TRIM14: variants seen among roughly 807,000 people sequenced by gnomAD.
TRIM14 encodes the protein tripartite motif containing 14.
A neutral mutation model predicts 44.5 loss-of-function variants in TRIM14; 28 were observed. That is an observed-to-expected ratio of 0.63 (90% CI 0.47 to 0.86). TRIM14 has a LOEUF of 0.86. Among genes scored for constraint, TRIM14 ranks in the 40% least tolerant of loss-of-function variants. TRIM14 has a pLI of 0.00. For synonymous variants in TRIM14, 299 were observed against 269.2 expected (o/e 1.11, Z -1.08); for missense variants, 607 against 611.1 (o/e 0.99, Z 0.07).
At chr9:98,046,293 C>CT in the TRIM14 span, among the ~76,000 whole-genome samples, 1 of 152,120 alleles carries the variant, frequency 6.6e-6, no homozygotes, top group Admixed American at 6.5e-5. Context: ...GCAGCGAAGT[C>CT]TTACAGAAAT....
rs1427652099 is a variant in TRIM14 at position 98,094,724 on chromosome 9, C to T, written c.700+143G>A. On this transcript the variant is annotated intron_variant, in intron 4 of 5. Transcript: ENST00000341469. ...TGAAGTGGTGAGGGTGGGTTGGGCA[C>T]CAGGCCCAGGAGCCCCTGACCGCCC... 6 of 910,758 alleles carry T rather than the reference C, an allele frequency of 6.6e-6. No homozygotes were observed. The South Asian group carries it at 6.6e-5, about 10-fold the overall frequency. 56.4% of individuals were successfully genotyped at this position (910,758 alleles called of 1,614,324 possible). A position where few individuals can be genotyped will look rare whatever the true frequency, so the allele number is the denominator to read the frequency against.
intron 1 of TRIM14, among the ~76,000 whole-genome samples, chr9:98,110,648 G>T (rs112182860): frequency 6.6e-6 from 1 of 151,984 alleles, no homozygotes; most frequent in Non-Finnish European, 1.5e-5. Context: ...GGGCAGGCTC[G>T]CTTCGTTCTC....
chr9:98,037,494 A>C, the TRIM14 span, among the ~76,000 whole-genome samples: 16 of 152,264 alleles, frequency 1.1e-4, no homozygotes, highest in South Asian at 1.7e-3. Flanking sequence ...GCACTGAAGG[A>C]CCTGCAGACA....
chr9:98,073,519 G>A (rs369767931), intron 6 of TRIM14, among the ~76,000 whole-genome samples: 295 of 150,676 alleles, frequency 2.0e-3, no homozygotes, highest in African/African-American at 6.9e-3. Flanking sequence ...TCCTGACCTC[G>A]TGATCTGCCC....
chr9:98,087,630 C>T lies in TRIM14; in HGVS notation c.1169G>A (p.Arg390Gln). The part of the protein sequence containing the change: ...SRLRPRDDLD[R>Q]LGVFLDYEAG... ...CTCGTAGTCCAGGAAGACGCCGAGC[C>T]GGTCGAGGTCGTCGCGGGGCCGCAG... The change falls in exon 6 of 6, where the codon CGG (arginine) becomes CAG (glutamine). Residue 390 changes from arginine to glutamine, a missense_variant. Around this residue, in one of 3 missense-constraint regions of TRIM14, gnomAD observed 356 missense variants for 323.0 expected, o/e 1.10. Coordinates refer to ENST00000341469, the MANE Select transcript of TRIM14 (RefSeq NM_014788.4). 1 of 1,604,652 alleles carries T rather than the reference C, an allele frequency of 6.2e-7. No individual in the cohort carries two copies. Among genetic ancestry groups the T allele is most frequent in the Non-Finnish European group, 8.5e-7 (1 of 1,178,432 alleles).
chr9:98,054,004 G>A, the TRIM14 span, among the ~76,000 whole-genome samples: 1 of 152,082 alleles, frequency 6.6e-6, no homozygotes, highest in Admixed American at 6.6e-5. Flanking sequence ...TATCACCCTA[G>A]CAAGGCTCAA....
At chr9:98,113,113 CAAAAAAAAAAA>C (rs57908629) in intron 1 of TRIM14, among the ~76,000 whole-genome samples, 1 of 39,252 alleles carries the variant, frequency 2.5e-5, no homozygotes, top group African/African-American at 7.3e-5. Flanking sequence ...AACTCCATCT[CAAAAAAAAAAA>C]AAAAAAAAAA....
the TRIM14 span, among the ~76,000 whole-genome samples, chr9:98,042,331 A>AT: frequency 1.3e-5 from 2 of 151,580 alleles, no homozygotes; most frequent in Non-Finnish European, 2.9e-5. Flanking sequence ...TAATTTTTAA[A>AT]TTGGAAAATT....
intron 6 of TRIM14, among the ~76,000 whole-genome samples, chr9:98,073,914 G>A (rs771959904): frequency 6.6e-5 from 10 of 152,076 alleles, no homozygotes; most frequent in Non-Finnish European, 1.3e-4. Context: ...AGCCTCCTGA[G>A]TAGCTGGGAC....
intron 2 of TRIM14, among the ~76,000 whole-genome samples, chr9:98,100,932 G>T (rs1042346400): frequency 1.3e-5 from 2 of 152,032 alleles, no homozygotes; most frequent in Non-Finnish European, 2.9e-5. Flanking sequence ...AAAGCCCAAA[G>T]AATAAATCAA....
At chr9:98,070,075 C>T (rs1488888908) in intron 6 of TRIM14, among the ~76,000 whole-genome samples, 2 of 152,144 alleles carry the variant, frequency 1.3e-5, no homozygotes, top group African/African-American at 4.8e-5. Context: ...CTACCATTAT[C>T]TCAAAATTCA....
the TRIM14 span, chr9:98,056,945 G>C: frequency 6.3e-7 from 1 of 1,580,478 alleles, no homozygotes; most frequent in South Asian, 1.1e-5. Flanking sequence ...GCCAAGGTGA[G>C]GCGGCAGCTC....
intron 6 of TRIM14, among the ~76,000 whole-genome samples, chr9:98,070,180 C>T (rs1396871621): frequency 2.0e-5 from 3 of 152,120 alleles, no homozygotes; most frequent in Non-Finnish European, 4.4e-5. Context: ...TGCAGTGGCA[C>T]GATTGTGGCT....
At chr9:98,111,566 A>G (rs1255517570) in intron 1 of TRIM14, among the ~76,000 whole-genome samples, 1 of 152,256 alleles carries the variant, frequency 6.6e-6, no homozygotes, top group African/African-American at 2.4e-5. Context: ...TGAACTATTC[A>G]GGCAAAATTG....
chr9:98,037,749 C>T, the TRIM14 span, among the ~76,000 whole-genome samples: 3 of 152,172 alleles, frequency 2.0e-5, no homozygotes, highest in Non-Finnish European at 2.9e-5. Flanking sequence ...GGGCCTCAAA[C>T]TCCAGAGGGT....
At chr9:98,063,868 C>T in the TRIM14 span, among the ~76,000 whole-genome samples, 1 of 150,426 alleles carries the variant, frequency 6.6e-6, no homozygotes, top group East Asian at 1.9e-4. Context: ...ATAAGTAGTG[C>T]TGAGATAGAC....
the TRIM14 span, among the ~76,000 whole-genome samples, chr9:98,040,599 T>A: frequency 6.6e-6 from 1 of 151,636 alleles, no homozygotes; most frequent in Non-Finnish European, 1.5e-5. Flanking sequence ...TCAAGACCTC[T>A]GCTCTGAGCT....
downstream of TRIM14, among the ~76,000 whole-genome samples, chr9:98,069,107 A>G (rs1423296755): frequency 1.3e-5 from 2 of 152,226 alleles, no homozygotes; most frequent in African/African-American, 2.4e-5. Flanking sequence ...CAAAGAAATG[A>G]AAACTTAACA....
rs1826141768 is a variant in TRIM14 at position 98,095,173 on chromosome 9, T to A, written c.538-144A>T. ...ACCTATGGTCAGCCCAGGCCATGCCTGCAGGAGCAGAGCCCTGGAGAGACC... is the reference window on the plus strand; with the variant it reads ...ACCTATGGTCAGCCCAGGCCATGCCAGCAGGAGCAGAGCCCTGGAGAGACC... On this transcript the variant is annotated intron_variant, in intron 3 of 5. Transcript: ENST00000341469. The surrounding 1 kb of genome is among the most constrained non-coding windows in gnomAD (Gnocchi z 4.1). The A allele has an allele frequency of 9.4e-7, 1 of 1,063,186 alleles. No individual in the cohort carries two copies. Among genetic ancestry groups the A allele is most frequent in the Non-Finnish European group, 1.3e-6 (1 of 757,980 alleles). 65.9% of individuals were successfully genotyped at this position (1,063,186 alleles called of 1,614,324 possible).
Sources: allele counts gnomAD v4.1 joint callset (sites outside exome capture counted in the v4.1 genomes callset), GRCh38; gene constraint gnomAD v4.1.1; regional missense constraint gnomAD v4.1.1; non-coding constraint Gnocchi (gnomAD v3.1); transcripts MANE v1.5; gene names NCBI Gene and HGNC (gene_info 2026-07-23, HGNC 2026-07-21).